The following KALRN variants were observed in gnomAD, a reference collection of about 807,000 sequenced individuals.
KALRN encodes kalirin RhoGEF kinase.
KALRN carries 70 observed loss-of-function variants against 353.7 expected under a neutral mutation model. The ratio of observed to expected loss-of-function variants is 0.20; its 90% CI spans 0.16 to 0.24. KALRN has a LOEUF of 0.24. KALRN is among the 10% of genes least tolerant of loss of function. KALRN has a pLI of 1.00. For missense variants in KALRN, 2,791 were observed against 3,756.7 expected (o/e 0.74, Z 6.72); for synonymous variants, 1,391 against 1,434.8 (o/e 0.97, Z 0.69).
At chr3:124,219,785 C>T (rs1579557743) in intron 1 of KALRN, among the ~76,000 whole-genome samples, 1 of 152,076 alleles carries the variant, frequency 6.6e-6, no homozygotes, top group African/African-American at 2.4e-5. Context: ...CCCCACTGCG[C>T]ACAGGTAGAT....
intron 1 of KALRN, among the ~76,000 whole-genome samples, chr3:124,173,331 G>C (rs1409785827): frequency 2.6e-5 from 4 of 152,202 alleles, no homozygotes. Flanking sequence ...AGCCTATGTA[G>C]TGGCCTATGG....
At chr3:124,696,496 A>AT (rs1319420406) in intron 54 of KALRN, among the ~76,000 whole-genome samples, 1 of 152,124 alleles carries the variant, frequency 6.6e-6, no homozygotes, top group Non-Finnish European at 1.5e-5. Flanking sequence ...TAAAACATTT[A>AT]TTTTTTAAAT....
chr3:124,040,936 G>A (rs1476912359), intron 1 of KALRN, among the ~76,000 whole-genome samples: 1 of 152,228 alleles, frequency 6.6e-6, no homozygotes, highest in African/African-American at 2.4e-5. Flanking sequence ...TGCAGTGCAG[G>A]GATCCTGTGT....
intron 33 of KALRN, among the ~76,000 whole-genome samples, chr3:124,525,684 G>A (rs2067530150): frequency 6.6e-6 from 1 of 152,174 alleles, no homozygotes; most frequent in South Asian, 2.1e-4. Context: ...AAGGCCAGCT[G>A]GAAGTTAGCA....
chr3:124,654,817 T>C (rs973147686), intron 38 of KALRN, among the ~76,000 whole-genome samples: 4 of 150,614 alleles, frequency 2.7e-5, no homozygotes, highest in South Asian at 2.1e-4. Flanking sequence ...TTTTCATTTA[T>C]ATAAAATAGG....
intron 33 of KALRN, among the ~76,000 whole-genome samples, chr3:124,501,856 A>T (rs1216366013): frequency 6.6e-6 from 1 of 152,240 alleles, no homozygotes; most frequent in African/African-American, 2.4e-5. Context: ...AAATGAGAAG[A>T]GGTCCTGCCA....
intron 34 of KALRN, among the ~76,000 whole-genome samples, chr3:124,616,692 G>A (rs939836404): frequency 4.6e-5 from 7 of 152,178 alleles, no homozygotes; most frequent in East Asian, 1.9e-4. Flanking sequence ...CTGGCCAGGC[G>A]CGGTAGCTCA....
At chr3:124,410,511 C>A (rs2150230631) in intron 13 of KALRN, among the ~76,000 whole-genome samples, 1 of 152,162 alleles carries the variant, frequency 6.6e-6, no homozygotes, top group East Asian at 1.9e-4. Context: ...TTAATTAACT[C>A]AGTATTTTAA....
chr3:124,102,515 C>T (rs2061960631), intron 1 of KALRN, among the ~76,000 whole-genome samples: 2 of 152,204 alleles, frequency 1.3e-5, no homozygotes, highest in African/African-American at 2.4e-5. Flanking sequence ...ACAATGTGCT[C>T]CTGTGGGTAG....
rs1264959704 is a variant in KALRN at position 124,719,185 on chromosome 3, A to G, written c.8676A>G (p.Val2892=). The G allele has an allele frequency of 6.2e-7, 1 of 1,614,228 alleles. No individual in the cohort carries two copies. Among genetic ancestry groups the G allele is most frequent in the Non-Finnish European group, 8.5e-7 (1 of 1,180,048 alleles). Residue 2892 remains valine, a synonymous_variant, in exon 60 of 60, where the codon GTA becomes GTG. Transcript: ENST00000682506. The surrounding 1 kb of genome is among the most constrained non-coding windows in gnomAD (Gnocchi z 5.3). Reference sequence around the variant, plus strand: ...GCAAAGAGGAGACATGTATCAACGTATGCAGGGTGGATTTCAGCTTCCCCC... The same window carrying G: ...GCAAAGAGGAGACATGTATCAACGTGTGCAGGGTGGATTTCAGCTTCCCCC... ...DESKEETCIN[V]CRVDFSFPHE...
intron 33 of KALRN, among the ~76,000 whole-genome samples, chr3:124,559,788 C>G (rs2071724303): frequency 6.6e-6 from 1 of 152,166 alleles, no homozygotes; most frequent in African/African-American, 2.4e-5. Context: ...GTTGGCCATT[C>G]TTTGGAATTC....
At chr3:124,195,350 G>C (rs957946606) in intron 1 of KALRN, among the ~76,000 whole-genome samples, 1 of 152,170 alleles carries the variant, frequency 6.6e-6, no homozygotes, top group Non-Finnish European at 1.5e-5. Context: ...TAGGTTGCCA[G>C]CTCCTGTGTT....
intron 33 of KALRN, among the ~76,000 whole-genome samples, chr3:124,540,112 G>C (rs1259735662): frequency 1.3e-5 from 2 of 152,126 alleles, no homozygotes; most frequent in Non-Finnish European, 2.9e-5. Flanking sequence ...TATGAGACAG[G>C]GTTTTGCCAT....
chr3:124,171,060 G>T (rs1302527063), intron 1 of KALRN, among the ~76,000 whole-genome samples: 1 of 151,648 alleles, frequency 6.6e-6, no homozygotes, highest in Non-Finnish European at 1.5e-5. Context: ...CAAGTGATCT[G>T]CCTGCCTTGA....
intron 1 of KALRN, among the ~76,000 whole-genome samples, chr3:124,133,255 G>A (rs1323487976): frequency 1.3e-5 from 2 of 152,126 alleles, no homozygotes; most frequent in African/African-American, 4.8e-5. Context: ...GGGAAAATCT[G>A]GGGAAGAGGG....
chr3:124,091,112 A>C (rs1313006102), intron 1 of KALRN, among the ~76,000 whole-genome samples: 1 of 152,182 alleles, frequency 6.6e-6, no homozygotes, highest in Non-Finnish European at 1.5e-5. Flanking sequence ...CTTGGGCGCT[A>C]ATCGCCAAGG....
chr3:124,617,381 A>T (rs1179454231), intron 34 of KALRN, among the ~76,000 whole-genome samples: 2 of 152,228 alleles, frequency 1.3e-5, no homozygotes, highest in South Asian at 2.1e-4. Context: ...GATGGAGGAG[A>T]CCTCCTCTCA....
chr3:124,502,336 G>C (rs765150056), intron 33 of KALRN, among the ~76,000 whole-genome samples: 1 of 152,168 alleles, frequency 6.6e-6, no homozygotes, highest in Non-Finnish European at 1.5e-5. Context: ...TCTGCAGTAG[G>C]AATTGCATGG....
chr3:124,059,314 A>G (rs974992884), intron 1 of KALRN, among the ~76,000 whole-genome samples: 3 of 152,202 alleles, frequency 2.0e-5, no homozygotes, highest in Non-Finnish European at 4.4e-5. Context: ...TATTTATGGT[A>G]TACAACATGA....
Sources: gnomAD v4.1 joint callset for allele counts (sites outside exome capture counted in the v4.1 genomes callset) on GRCh38, gnomAD v4.1.1 for gene constraint, Gnocchi (gnomAD v3.1) non-coding constraint, MANE v1.5 for transcripts, NCBI Gene and HGNC (gene_info 2026-07-23, HGNC 2026-07-21) for gene names.